Variants in SIKE1 observed in about 807,000 individuals in gnomAD.
The protein encoded by SIKE1 is suppressor of IKK epsilon.
A neutral mutation model predicts 25.8 loss-of-function variants in SIKE1; 13 were observed. The observed-to-expected ratio is 0.50, with a 90% confidence interval of 0.33 to 0.80. SIKE1 has a LOEUF of 0.80. Among genes scored for constraint, SIKE1 ranks in the 30% least tolerant of loss-of-function variants. The probability of loss-of-function intolerance (pLI) is 0.02; values close to 1 mark genes in which losing one functional copy is unlikely to be tolerated. For synonymous variants in SIKE1, 86 were observed against 95.5 expected, an observed-to-expected ratio of 0.90 and a Z score of 0.58; for missense variants, 222 against 252.4, an observed-to-expected ratio of 0.88 and a Z score of 0.82.
Position 114,772,760 on chromosome 1 carries a change from G to A in SIKE1, c.*1511C>T, listed in dbSNP as rs555995821. On this transcript the variant is annotated 3_prime_UTR_variant, in exon 5 of 5. Transcript: ENST00000060969. The stretch of plus-strand genomic sequence containing the variant: ...ACTCTTGGGAAATGAAATAAAAAAT[G>A]CTCACACTTGGAAGTGTTTTTTTTG... The A allele has an allele frequency of 6.6e-6, 1 of 152,206 alleles. No homozygotes were observed. The highest frequency in any genetic ancestry group is 2.1e-4 in the South Asian group (1 of 4,826). 9.4% of individuals were successfully genotyped at this position (152,206 alleles called of 1,614,324 possible).
intron 3 of SIKE1, 86 bp downstream of exon 3, chr1:114,779,056 T>A: frequency 1.3e-6 from 2 of 1,542,146 alleles, no homozygotes; most frequent in South Asian, 1.2e-5. Flanking sequence ...AGACCCTATC[T>A]CACAAAGCAA....
chr1:114,775,502 GCTTT>G (rs1662211691), intron 4 of SIKE1, among the ~76,000 whole-genome samples: 4 of 130,734 alleles, frequency 3.1e-5, no homozygotes, highest in South Asian at 2.4e-4. Context: ...GAAATGCTTT[GCTTT>G]TTTTTTTTTT....
At chr1:114,777,266 G>A (rs1050421245) in intron 3 of SIKE1, among the ~76,000 whole-genome samples, 1 of 151,980 alleles carries the variant, frequency 6.6e-6, no homozygotes, top group Admixed American at 6.6e-5. Context: ...CAAAAAAAAG[G>A]CCTCCTTAAG....
At position 114,774,202 on chromosome 1, in the gene SIKE1, A is replaced by T; in HGVS notation, c.*69T>A. 1 of 1,197,218 alleles carries T rather than the reference A, an allele frequency of 8.4e-7. No individual in the cohort carries two copies. The highest frequency in any genetic ancestry group is 1.2e-6 in the Non-Finnish European group (1 of 815,650). 74.2% of individuals were successfully genotyped at this position (1,197,218 alleles called of 1,614,324 possible). On this transcript the variant is annotated 3_prime_UTR_variant, in exon 5 of 5. Coordinates refer to ENST00000060969, the MANE Select transcript of SIKE1 (RefSeq NM_025073.3). ...ATCTGAGGCAAGACACTTAATGGAC[A>T]GTACTTGAATGGGAAGACAGTAACT... is the stretch of plus-strand genomic sequence containing the variant.
At position 114,771,102 on chromosome 1, in the gene SIKE1, A is replaced by T. The variant is rs948336820; in HGVS notation, c.*3169T>A. On this transcript the variant is annotated 3_prime_UTR_variant, in exon 5 of 5. Coordinates refer to ENST00000060969, the MANE Select transcript of SIKE1 (RefSeq NM_025073.3). Reference sequence around the variant, plus strand: ...TTGGCTTGGCAACAACTTTCTAGCAAACACAAGAAAACAGCATGAGGGATG... The same window carrying T: ...TTGGCTTGGCAACAACTTTCTAGCATACACAAGAAAACAGCATGAGGGATG... 3.9e-5 allele frequency: 6 copies of T among 152,116 alleles called. No homozygotes were observed. Among genetic ancestry groups the T allele is most frequent in the African/African-American group, 9.7e-5 (4 of 41,336 alleles). The allele number at this position is 152,116 out of a possible 1,614,324, so 9.4% of individuals were successfully genotyped here. A position where few individuals can be genotyped will look rare whatever the true frequency, so the allele number is the denominator to read the frequency against.
Position 114,780,215 on chromosome 1 carries a change from A to T in SIKE1, c.160T>A (p.Tyr54Asn), listed in dbSNP as rs759010941. The change falls in exon 2 of 5, where the codon TAT (tyrosine) becomes AAT (asparagine). Residue 54 changes from tyrosine to asparagine, a missense_variant and splice_region_variant. Physicochemically the swap from Tyr to Asn is moderately radical, Grantham distance 143 (BLOSUM62 -2). Transcript: ENST00000060969. ...REAGTALPDQ[Y>N]QEDASDMKDM... is the part of the protein sequence containing the mutation. ...TTCATATCGGATGCATCCTCTTGAT[A>T]CTGGACAAATAGAGACAGACTAAGC... is the stretch of plus-strand genomic sequence containing the variant. 2 of 1,609,364 alleles carry T rather than the reference A, an allele frequency of 1.2e-6. No individual in the cohort carries two copies. Among genetic ancestry groups the T allele is most frequent in the Middle Eastern group, 1.7e-4 (1 of 6,040 alleles).
chr1:114,776,411 T>C lies in SIKE1; in HGVS notation c.457A>G (p.Arg153Gly). The change falls in exon 4 of 5, where the codon AGG (arginine) becomes GGG (glycine). Residue 153 changes from arginine to glycine, a missense_variant. Coordinates refer to ENST00000060969, the MANE Select transcript of SIKE1 (RefSeq NM_025073.3). ...DRICEMGEVM[R>G]KAVQVDDDQF... ...TCATCATCCACCTGAACTGCTTTCC[T>C]CATCACTTCTCCCATTTCACAGATT... The C allele has an allele frequency of 6.2e-7, 1 of 1,613,756 alleles. No individual in the cohort carries two copies. Among genetic ancestry groups the C allele is most frequent in the Non-Finnish European group, 8.5e-7 (1 of 1,179,780 alleles).
rs1662366642 is a variant in SIKE1, at chr1:114,780,302, G to A, written c.160-87C>T. 8 of 1,561,802 alleles carry A rather than the reference G, an allele frequency of 5.1e-6. No individual in the cohort carries two copies. In the East Asian group the frequency reaches 1.4e-4, roughly 28 times the overall value. On this transcript the variant is annotated intron_variant, in intron 1 of 4. Transcript: ENST00000060969. ...AGGCAGAAGTTAGGGCTCCAGGGCA[G>A]GATTCTCAGCCCCGACCCAGGAAAA...
In SIKE1 at chr1:114,780,289, G is replaced by A. The variant is rs932024610; in HGVS notation, c.160-74C>T. 5 of 1,546,306 alleles carry A rather than the reference G, an allele frequency of 3.2e-6. No individual in the cohort carries two copies. The Admixed American group carries it at 6.9e-5, about 21-fold the overall frequency. Reference sequence around the variant, plus strand: ...GATGCAACTGAAGAGGCAGAAGTTAGGGCTCCAGGGCAGGATTCTCAGCCC... The same window carrying A: ...GATGCAACTGAAGAGGCAGAAGTTAAGGCTCCAGGGCAGGATTCTCAGCCC... On this transcript the variant is annotated intron_variant, in intron 1 of 4. Transcript: ENST00000060969.
At position 114,770,298 on chromosome 1, in the gene SIKE1, G is replaced by A. The variant is rs992878435; in HGVS notation, c.*3973C>T. The A allele has an allele frequency of 2.0e-5, 3 of 152,664 alleles. No homozygotes were observed. Among genetic ancestry groups the A allele is most frequent in the African/African-American group, 7.2e-5 (3 of 41,476 alleles). 9.5% of individuals were successfully genotyped at this position (152,664 alleles called of 1,614,324 possible). A position where few individuals can be genotyped will look rare whatever the true frequency, so the allele number is the denominator to read the frequency against. ...TGTAATCCCAGCGACTTGGGAGGCT[G>A]AGGCAGGAGAATCGCTTGAACCCAG... On this transcript the variant is annotated 3_prime_UTR_variant, in exon 5 of 5. Coordinates refer to ENST00000060969, the MANE Select transcript of SIKE1 (RefSeq NM_025073.3).
Position 114,780,579 on chromosome 1 carries a change from G to C in SIKE1, c.29C>G (p.Thr10Arg). 1 of 1,613,840 alleles carries C rather than the reference G, an allele frequency of 6.2e-7. No homozygotes were observed. The highest frequency in any genetic ancestry group is 1.1e-5 in the South Asian group (1 of 91,056). ...CCTCTCCAGCAGCGTCTTGGCGTCTGTCAGGATCTTCTCGATGGTGCAGCT... is the reference window on the plus strand; with the variant it reads ...CCTCTCCAGCAGCGTCTTGGCGTCTCTCAGGATCTTCTCGATGGTGCAGCT... MSCTIEKIL[T>R]DAKTLLERLR... The change falls in exon 1 of 5, where the codon ACA becomes AGA. Residue 10 changes from threonine to arginine, a missense_variant. Thr to Arg is a moderately conservative substitution (Grantham distance 71). Transcript: ENST00000060969.
In SIKE1 at chr1:114,776,466, A is replaced by C. The variant is rs1346769740; in HGVS notation, c.409-7T>G. The C allele has an allele frequency of 7.6e-6, 12 of 1,577,282 alleles. No homozygotes were observed. The highest frequency in any genetic ancestry group is 1.0e-5 in the Non-Finnish European group (12 of 1,149,730). ...CAATCTGACTCTCAATTTCCTGTGA[A>C]GATATTAAGGAAACAAAGGTGGAAA... On this transcript the variant is annotated splice_region_variant and splice_polypyrimidine_tract_variant and intron_variant, in intron 3 of 4. Coordinates refer to ENST00000060969, the MANE Select transcript of SIKE1 (RefSeq NM_025073.3).
rs769744947 is a variant in SIKE1 at position 114,779,124 on chromosome 1, T to G, written c.408+18A>C. Reference sequence around the variant, plus strand: ...GATTTCAATTTGGTTCATTTCGAATTTATTCAAAGTTTCTTACTGCAGAGT... The same window carrying G: ...GATTTCAATTTGGTTCATTTCGAATGTATTCAAAGTTTCTTACTGCAGAGT... On this transcript the variant is annotated intron_variant, in intron 3 of 4. Coordinates refer to ENST00000060969, the MANE Select transcript of SIKE1 (RefSeq NM_025073.3). 6.2e-6 allele frequency: 10 copies of G among 1,607,924 alleles called. No individual in the cohort carries two copies. The highest frequency in any genetic ancestry group is 2.2e-5 in the South Asian group (2 of 90,128).
In SIKE1 at chr1:114,774,066, G is replaced by T; in HGVS notation, c.*205C>A. On this transcript the variant is annotated 3_prime_UTR_variant, in exon 5 of 5. Transcript: ENST00000060969. ...AAAGTAGTCTCTTTGAGAAAGGAAT[G>T]GTGAAATTCAGCATGTAGTATTCAC... The T allele has an allele frequency of 2.7e-6, 1 of 376,504 alleles. No homozygotes were observed. 23.3% of individuals were successfully genotyped at this position (376,504 alleles called of 1,614,324 possible).
intron 3 of SIKE1, among the ~76,000 whole-genome samples, chr1:114,777,012 A>G (rs1662261473): frequency 6.6e-6 from 1 of 152,142 alleles, no homozygotes; most frequent in Non-Finnish European, 1.5e-5. Context: ...CAGAAAACCA[A>G]ACACCGCATG....
intron 3 of SIKE1, among the ~76,000 whole-genome samples, chr1:114,778,215 A>T (rs1662299778): frequency 6.6e-6 from 1 of 152,356 alleles, no homozygotes; most frequent in African/African-American, 2.4e-5. Context: ...ATGATACAGT[A>T]CACAAGAATG....
intron 3 of SIKE1, among the ~76,000 whole-genome samples, chr1:114,777,121 C>T (rs991102975): frequency 2.0e-4 from 31 of 152,054 alleles, no homozygotes; most frequent in South Asian, 1.7e-3. Context: ...GGAGTGGGGA[C>T]GGATAGCATT....
Position 114,770,878 on chromosome 1 carries a change from T to C in SIKE1, c.*3393A>G, listed in dbSNP as rs574472393. ...CAATATTCTTTCTTCTTGCTAATAC[T>C]GATTTTATTTGGGACAGCTATGTAC... On this transcript the variant is annotated 3_prime_UTR_variant, in exon 5 of 5. Transcript: ENST00000060969. The C allele has an allele frequency of 6.6e-6, 1 of 152,392 alleles. No homozygotes were observed. The highest frequency in any genetic ancestry group is 2.1e-4 in the South Asian group (1 of 4,834). The allele number at this position is 152,392 out of a possible 1,614,324, so 9.4% of individuals were successfully genotyped here.
rs531048052 is a variant in SIKE1, at chr1:114,770,526, C to T, written c.*3745G>A. On this transcript the variant is annotated 3_prime_UTR_variant, in exon 5 of 5. Coordinates refer to ENST00000060969, the MANE Select transcript of SIKE1 (RefSeq NM_025073.3). ...AAGGAATCTGCATGGTTCCCTCCTTCTTTGTATCACTAATTTTAAAATTGA... is the reference window on the plus strand; with the variant it reads ...AAGGAATCTGCATGGTTCCCTCCTTTTTTGTATCACTAATTTTAAAATTGA... The T allele has an allele frequency of 1.3e-5, 2 of 152,316 alleles. No individual in the cohort carries two copies. The highest frequency in any genetic ancestry group is 3.9e-4 in the East Asian group (2 of 5,186). 9.4% of individuals were successfully genotyped at this position (152,316 alleles called of 1,614,324 possible). A position where few individuals can be genotyped will look rare whatever the true frequency, so the allele number is the denominator to read the frequency against.
Sources: gnomAD v4.1 joint callset for allele counts (sites outside exome capture counted in the v4.1 genomes callset) on GRCh38, gnomAD v4.1.1 for gene constraint, MANE v1.5 for transcripts, NCBI Gene and HGNC (gene_info 2026-07-23, HGNC 2026-07-21) for gene names.